The following NIBAN2 variants were observed in gnomAD, a reference collection of about 807,000 sequenced individuals.
NIBAN2 encodes niban apoptosis regulator 2.
A neutral mutation model predicts 81.8 loss-of-function variants in NIBAN2; 36 were observed. The observed-to-expected ratio is 0.44, with a 90% CI of 0.34 to 0.58. The LOEUF (loss-of-function observed/expected upper bound fraction) is 0.58. Ranked by LOEUF, NIBAN2 falls within the 20% of genes least tolerant of loss-of-function variation. The pLI, the probability that NIBAN2 is intolerant of heterozygous loss-of-function variation, is 0.02. For synonymous variants in NIBAN2, 445 were observed against 441.6 expected, an observed-to-expected ratio of 1.01 and a Z score of -0.10; for missense variants, 897 against 1,014.1, an observed-to-expected ratio of 0.88 and a Z score of 1.57.
chr9:127,568,708 G>T, intron 1 of NIBAN2, 112 bp downstream of exon 1: 1 of 986,638 alleles, frequency 1.0e-6, no homozygotes, highest in Non-Finnish European at 1.3e-6. Context: ...CCACCGGCCC[G>T]GCCTGACTCC....
intron 8 of NIBAN2, among the ~76,000 whole-genome samples, chr9:127,513,244 G>C (rs766248069): frequency 6.6e-6 from 1 of 152,104 alleles, no homozygotes; most frequent in Non-Finnish European, 1.5e-5. Context: ...AGAAAACAAA[G>C]CAATTGAGCC....
intron 1 of NIBAN2, among the ~76,000 whole-genome samples, chr9:127,538,582 G>A (rs754262735): frequency 1.6e-4 from 24 of 150,168 alleles, no homozygotes; most frequent in African/African-American, 5.4e-4. Flanking sequence ...AGCCAAGATC[G>A]CGCCACTGCA....
At chr9:127,538,470 G>A (rs893526704) in intron 1 of NIBAN2, among the ~76,000 whole-genome samples, 1 of 152,068 alleles carries the variant, frequency 6.6e-6, no homozygotes, top group Non-Finnish European at 1.5e-5. Flanking sequence ...ATTTAGAAAC[G>A]CAGTTGTGTG....
chr9:127,563,222 C>T lies in NIBAN2; in HGVS notation c.55+5598G>A, dbSNP rs1837803280. ...CCCAGCAGTGGAAAAGGAACAGAGT[C>T]AGGGGGACTAGAGGAGGCTGGATGG... On this transcript the variant is annotated intron_variant, in intron 1 of 13. Coordinates refer to ENST00000373312, the MANE Select transcript of NIBAN2 (RefSeq NM_022833.4). The surrounding 1 kb of genome is among the most constrained non-coding windows in gnomAD (Gnocchi z 4.1). Among the ~76,000 whole-genome samples, 1 of 152,202 alleles carries T rather than the reference C, an allele frequency of 6.6e-6. No individual in the cohort carries two copies. The highest frequency in any genetic ancestry group is 2.4e-5 in the African/African-American group (1 of 41,458).
At chr9:127,543,793 T>C (rs1837423898) in intron 1 of NIBAN2, among the ~76,000 whole-genome samples, 4 of 152,154 alleles carry the variant, frequency 2.6e-5, no homozygotes. Flanking sequence ...ACCCATCCTC[T>C]CCTCCATCAC....
In NIBAN2 at chr9:127,545,850, A is replaced by C. The variant is rs529106794; in HGVS notation, c.56-14072T>G. Among the ~76,000 whole-genome samples the C allele has an allele frequency of 6.6e-6, 1 of 152,246 alleles. No individual in the cohort carries two copies. The highest frequency in any genetic ancestry group is 2.1e-4 in the South Asian group (1 of 4,820). On this transcript the variant is annotated intron_variant, in intron 1 of 13. Coordinates refer to ENST00000373312, the MANE Select transcript of NIBAN2 (RefSeq NM_022833.4). This position sits in a 1 kb window ranked among gnomAD's most constrained non-coding sequence, Gnocchi z 4.7. ...CCCATCTTGACACAAACAGAAGGAA[A>C]CAAAAGCCCTCTCATCCCCTCCTGC...
intron 8 of NIBAN2, among the ~76,000 whole-genome samples, chr9:127,515,602 C>T (rs372707370): frequency 2.0e-5 from 3 of 151,472 alleles, no homozygotes; most frequent in South Asian, 2.1e-4. Context: ...TTTGGGAGGC[C>T]GAGGCAGGTG....
intron 1 of NIBAN2, among the ~76,000 whole-genome samples, chr9:127,538,324 G>A (rs983940336): frequency 2.0e-5 from 3 of 152,126 alleles, no homozygotes; most frequent in Admixed American, 6.5e-5. Flanking sequence ...CCTATCCACC[G>A]ACAACTTACT....
chr9:127,507,141 C>T lies in NIBAN2; in HGVS notation c.1945G>A (p.Gly649Ser), dbSNP rs2132147072. Residue 649 changes from glycine to serine, a missense_variant, in exon 14 of 14, where the codon GGT becomes AGT. This residue lies in a region of NIBAN2 where 619 missense variants were observed against 691.0 expected (regional missense o/e 0.90). Coordinates refer to ENST00000373312, the MANE Select transcript of NIBAN2 (RefSeq NM_022833.4). This position sits in a 1 kb window ranked among gnomAD's most constrained non-coding sequence, Gnocchi z 6.8. ...AGCAGGCCTCGGATCTCAGTGACAC[C>T]GTCCGGGGACGCAGGTGGTGGTGAC... Reference protein sequence around the residue: ...PESPPPASPDGVTEIRGLLAQ... With the variant: ...PESPPPASPDSVTEIRGLLAQ... The T allele has an allele frequency of 1.2e-6, 2 of 1,603,218 alleles. No homozygotes were observed. The highest frequency in any genetic ancestry group is 1.7e-5 in the Admixed American group (1 of 58,084).
rs142309088 is a variant in NIBAN2, at chr9:127,511,816, G to T, written c.974-1483C>A. Among the ~76,000 whole-genome samples, 816 of 152,186 alleles carry T rather than the reference G, an allele frequency of 5.4e-3. 4 individuals are homozygous for T. Among genetic ancestry groups the T allele is most frequent in the Non-Finnish European group, 8.5e-3 (580 of 68,016 alleles). On this transcript the variant is annotated intron_variant, in intron 8 of 13. Transcript: ENST00000373312. ...TAAATGGCAAACAGGCATATGAAAGGTACTCAACCCAAAACAGGCATATGA... is the reference window on the plus strand; with the variant it reads ...TAAATGGCAAACAGGCATATGAAAGTTACTCAACCCAAAACAGGCATATGA...
Position 127,559,921 on chromosome 9 carries a change from T to C in NIBAN2, c.55+8899A>G, listed in dbSNP as rs148613171. Among the ~76,000 whole-genome samples, 27 of 152,214 alleles carry C rather than the reference T, an allele frequency of 1.8e-4. 1 individual carries two copies. The highest frequency in any genetic ancestry group is 5.8e-4 in the African/African-American group (24 of 41,522). On this transcript the variant is annotated intron_variant, in intron 1 of 13. Transcript: ENST00000373312. The surrounding 1 kb of genome is among the most constrained non-coding windows in gnomAD (Gnocchi z 4.0). ...CTAAGCACAAAGAGCTAAGGCCACA[T>C]CATCTCACCGACCCTGCACAACAGC...
chr9:127,517,912 G>C lies in NIBAN2; in HGVS notation c.619C>G (p.Pro207Ala). 2 of 1,611,782 alleles carry C rather than the reference G, an allele frequency of 1.2e-6. No individual in the cohort carries two copies. The highest frequency in any genetic ancestry group is 1.7e-6 in the Non-Finnish European group (2 of 1,178,940). Residue 207 changes from proline (P) to alanine (A), a missense_variant, in exon 6 of 14, where the codon CCT becomes GCT. Physicochemically the swap from Pro to Ala is conservative, Grantham distance 27. Around this residue, in one of 3 missense-constraint regions of NIBAN2, gnomAD observed 69 missense variants for 114.7 expected, o/e 0.60. Coordinates refer to ENST00000373312, the MANE Select transcript of NIBAN2 (RefSeq NM_022833.4). The surrounding 1 kb of genome is among the most constrained non-coding windows in gnomAD (Gnocchi z 4.0). Reference protein sequence around the residue: ...GIPEDSKVEGPAFTDAIRMYR... With the variant: ...GIPEDSKVEGAAFTDAIRMYR... ...ATGCGGATGGCATCTGTGAACGCAG[G>C]GCCCTCTACCTTGGAGTCCTCAGGG...
At chr9:127,523,919 C>T in intron 4 of NIBAN2, 73 bp from the exon 5 acceptor site, 1 of 1,497,432 alleles carries the variant, frequency 6.7e-7, no homozygotes, top group Non-Finnish European at 9.2e-7. Flanking sequence ...GAGAACTGAT[C>T]CCTTGGCATC....
At chr9:127,578,880 C>T in intron 1 of NIBAN2, 3 of 1,596,886 alleles carry the variant, frequency 1.9e-6, no homozygotes, top group Non-Finnish European at 1.7e-6. Flanking sequence ...AAAAAAGAAC[C>T]CCGTGTGCCT....
In NIBAN2 at chr9:127,507,852, C is replaced by T. The variant is rs199532440; in HGVS notation, c.1654+15G>A. ...ATCCTCCTGGCAACAGTCCCCACCC[C>T]GGGACGGCACCCACCCTGCAGGATG... On this transcript the variant is annotated intron_variant, in intron 13 of 13. Transcript: ENST00000373312. This position sits in a 1 kb window ranked among gnomAD's most constrained non-coding sequence, Gnocchi z 6.8. The T allele has an allele frequency of 1.9e-5, 30 of 1,612,010 alleles. No homozygotes were observed. The East Asian group carries it at 3.1e-4, about 17-fold the overall frequency.
At position 127,559,794 on chromosome 9, in the gene NIBAN2, C is replaced by T. The variant is rs1318744391; in HGVS notation, c.55+9026G>A. ...ACCCTCTACCCAGCACCCTGACCCA[C>T]ACCCGGCACTTCTGATCTGCAAGAG... is the stretch of plus-strand genomic sequence containing the variant. On this transcript the variant is annotated intron_variant, in intron 1 of 13. Coordinates refer to ENST00000373312, the MANE Select transcript of NIBAN2 (RefSeq NM_022833.4). This position sits in a 1 kb window ranked among gnomAD's most constrained non-coding sequence, Gnocchi z 4.0. Among the ~76,000 whole-genome samples the T allele has an allele frequency of 6.6e-6, 1 of 152,224 alleles. No homozygotes were observed. The highest frequency in any genetic ancestry group is 2.4e-5 in the African/African-American group (1 of 41,442).
In NIBAN2 at chr9:127,507,435, C is replaced by T. The variant is rs1428912447; in HGVS notation, c.1655-4G>A. On this transcript the variant is annotated splice_polypyrimidine_tract_variant and splice_region_variant and intron_variant, in intron 13 of 13. Transcript: ENST00000373312. The surrounding 1 kb of genome is among the most constrained non-coding windows in gnomAD (Gnocchi z 6.8). The stretch of plus-strand genomic sequence containing the variant: ...TGCACCGCGGCCTCCTTCACAGCTA[C>T]AGGGCCACAGGGGAAGGGTCAGGAC... The T allele has an allele frequency of 6.7e-6, 10 of 1,500,976 alleles. No homozygotes were observed. The highest frequency in any genetic ancestry group is 2.4e-5 in the Admixed American group (1 of 41,844). 93.0% of individuals were successfully genotyped at this position (1,500,976 alleles called of 1,614,324 possible).
In NIBAN2 at chr9:127,531,770, C is replaced by G; in HGVS notation, c.64G>C (p.Gly22Arg). The change falls in exon 2 of 14, where the codon GGG becomes CGG. Residue 22 changes from glycine to arginine, a missense_variant. Gly to Arg is a moderately radical substitution (Grantham distance 125). Coordinates refer to ENST00000373312, the MANE Select transcript of NIBAN2 (RefSeq NM_022833.4). The stretch of plus-strand genomic sequence containing the variant: ...TGGAGGAACTCCGTCAGGATCTTCC[C>G]GGTTTTTTCTGGAAGAGAAGGACAA... ...ARRQHIAEKT[G>R]KILTEFLQFY... 6.2e-7 allele frequency: 1 copy of G among 1,614,142 alleles called. No homozygotes were observed. The highest frequency in any genetic ancestry group is 8.5e-7 in the Non-Finnish European group (1 of 1,180,002).
rs773156678 is a variant in NIBAN2, at chr9:127,506,942, C to G, written c.2144G>C (p.Ser715Thr). Reference sequence around the variant, plus strand: ...CACCTGCTCTCCAGTCTCCTGGTCGCTGGGCTTGGGGGGCCCAAGGTCCAC... The same window carrying G: ...CACCTGCTCTCCAGTCTCCTGGTCGGTGGGCTTGGGGGGCCCAAGGTCCAC... ...KAVDLGPPKP[S>T]DQETGEQVSS... Residue 715 changes from serine (S) to threonine (T), a missense_variant, in exon 14 of 14, where the codon AGC becomes ACC. By Grantham distance (58) the Ser-to-Thr change is moderately conservative. Around this residue, in one of 3 missense-constraint regions of NIBAN2, gnomAD observed 619 missense variants for 691.0 expected, o/e 0.90. Transcript: ENST00000373312. 1.9e-6 allele frequency: 3 copies of G among 1,609,740 alleles called. No homozygotes were observed. The highest frequency in any genetic ancestry group is 2.5e-6 in the Non-Finnish European group (3 of 1,178,250).
Sources: gnomAD v4.1 joint callset for allele counts (sites outside exome capture counted in the v4.1 genomes callset) on GRCh38, gnomAD v4.1.1 for gene constraint, gnomAD v4.1.1 regional missense constraint, Gnocchi (gnomAD v3.1) non-coding constraint, MANE v1.5 for transcripts, NCBI Gene and HGNC (gene_info 2026-07-23, HGNC 2026-07-21) for gene names.